Variants in R3HDM2 observed in about 807,000 individuals in gnomAD.
The protein encoded by R3HDM2 is R3H domain containing 2.
A neutral mutation model predicts 124.5 loss-of-function variants in R3HDM2; 38 were observed. The ratio of observed to expected loss-of-function variants is 0.31; its 90% CI spans 0.24 to 0.40. R3HDM2 has a LOEUF of 0.40. Among genes scored for constraint, R3HDM2 ranks in the 10% least tolerant of loss-of-function variants. The pLI, the probability that R3HDM2 is intolerant of heterozygous loss-of-function variation, is 1.00. For missense variants in R3HDM2, 869 were observed against 1,236.9 expected (o/e 0.70, Z 4.46); for synonymous variants, 391 against 448.0 (o/e 0.87, Z 1.61).
rs1191862201 is a variant in R3HDM2 at position 57,386,297 on chromosome 12, C to G, written c.-36+9452G>C. Among the ~76,000 whole-genome samples the G allele has an allele frequency of 2.0e-5, 3 of 152,130 alleles. No homozygotes were observed. The East Asian group carries it at 5.8e-4, about 29-fold the overall frequency. The stretch of plus-strand genomic sequence containing the variant: ...GGCGGGAGCCGGCTCCCTCAGCTTG[C>G]GGGGAGGTGTGGACGGAGAGGCACG... On this transcript the variant is annotated intron_variant, in intron 2 of 23. Coordinates refer to ENST00000402412, the MANE Select transcript of R3HDM2 (RefSeq NM_001394031.1).
At chr12:57,364,844 T>A (rs1358572730) in intron 2 of R3HDM2, among the ~76,000 whole-genome samples, 1 of 150,778 alleles carries the variant, frequency 6.6e-6, no homozygotes, top group African/African-American at 2.4e-5. Context: ...TTGCAGCTAT[T>A]TGGGAGGCTG....
At chr12:57,393,134 C>G (rs1341723808) in intron 2 of R3HDM2, among the ~76,000 whole-genome samples, 1 of 148,458 alleles carries the variant, frequency 6.7e-6, no homozygotes, top group African/African-American at 2.5e-5. Flanking sequence ...GAAGGAGTCT[C>G]GCTCTGTCGC....
At chr12:57,288,378 GTC>G (rs762285422) in intron 12 of R3HDM2, among the ~76,000 whole-genome samples, 19 of 150,728 alleles carry the variant, frequency 1.3e-4, no homozygotes, top group East Asian at 7.8e-4. Flanking sequence ...GTCCGTATAT[GTC>G]TCTCTCTCTC....
At chr12:57,406,228 G>A (rs1438637508) in intron 1 of R3HDM2, among the ~76,000 whole-genome samples, 1 of 151,636 alleles carries the variant, frequency 6.6e-6, no homozygotes, top group Non-Finnish European at 1.5e-5. Context: ...GGCTGAGGCA[G>A]GAGAATCGCT....
chr12:57,272,852 GC>G (rs1165139922), intron 14 of R3HDM2, among the ~76,000 whole-genome samples: 1 of 152,134 alleles, frequency 6.6e-6, no homozygotes, highest in Non-Finnish European at 1.5e-5. Context: ...GCTGTTGTGA[GC>G]AATCTGAGGA....
intron 2 of R3HDM2, among the ~76,000 whole-genome samples, chr12:57,368,298 C>CCTTCCT (rs2062895393): frequency 6.6e-6 from 1 of 152,136 alleles, no homozygotes; most frequent in Non-Finnish European, 1.5e-5. Context: ...GTCCCCTTCC[C>CCTTCCT]CTTCCTCTTA....
Position 57,254,462 on chromosome 12 carries a change from C to T in R3HDM2, c.*311G>A, listed in dbSNP as rs1258450247. The T allele has an allele frequency of 1.3e-5, 4 of 306,446 alleles. No individual in the cohort carries two copies. The highest frequency in any genetic ancestry group is 2.0e-4 in the East Asian group (2 of 10,002). 19.0% of individuals were successfully genotyped at this position (306,446 alleles called of 1,614,324 possible). ...GTTGCAGTTAGCCAAGATCGTGCTACTGCACTCCAGCTGGGGTGACAAGAG... is the reference window on the plus strand; with the variant it reads ...GTTGCAGTTAGCCAAGATCGTGCTATTGCACTCCAGCTGGGGTGACAAGAG... On this transcript the variant is annotated 3_prime_UTR_variant, in exon 24 of 24. Coordinates refer to ENST00000402412, the MANE Select transcript of R3HDM2 (RefSeq NM_001394031.1).
At chr12:57,302,205 C>T (rs547487218) in intron 4 of R3HDM2, among the ~76,000 whole-genome samples, 5 of 151,562 alleles carry the variant, frequency 3.3e-5, no homozygotes, top group Middle Eastern at 3.4e-3. Context: ...CACTTGAACA[C>T]GGAAGGCAGA....
At chr12:57,269,178 T>C (rs2043083411) in intron 16 of R3HDM2, 96 bp from the exon 17 acceptor site, 1 of 1,557,766 alleles carries the variant, frequency 6.4e-7, no homozygotes, top group Admixed American at 1.8e-5. Flanking sequence ...TATCTTTCTT[T>C]TTCTGGAGAG....
At chr12:57,350,334 A>T (rs1301454659) in intron 2 of R3HDM2, among the ~76,000 whole-genome samples, 1 of 152,176 alleles carries the variant, frequency 6.6e-6, no homozygotes, top group African/African-American at 2.4e-5. Flanking sequence ...GGATTCATGG[A>T]AGTTAAACTA....
At chr12:57,336,759 T>C (rs1006219682) in intron 2 of R3HDM2, among the ~76,000 whole-genome samples, 1 of 151,324 alleles carries the variant, frequency 6.6e-6, no homozygotes, top group Non-Finnish European at 1.5e-5. Flanking sequence ...AACAAACCCC[T>C]GTGATACATG....
chr12:57,376,295 G>C (rs951974083), intron 2 of R3HDM2, among the ~76,000 whole-genome samples: 17 of 152,214 alleles, frequency 1.1e-4, no homozygotes, highest in Non-Finnish European at 1.0e-4. Flanking sequence ...ACCCCAATCA[G>C]GGCCTTCAGT....
chr12:57,343,491 G>A (rs1001817694), intron 2 of R3HDM2, among the ~76,000 whole-genome samples: 9 of 151,682 alleles, frequency 5.9e-5, no homozygotes, highest in African/African-American at 1.9e-4. Flanking sequence ...GCCTAGCCTC[G>A]GATCTTAATT....
At chr12:57,362,710 C>T (rs1409908142) in intron 2 of R3HDM2, among the ~76,000 whole-genome samples, 1 of 152,170 alleles carries the variant, frequency 6.6e-6, no homozygotes, top group Non-Finnish European at 1.5e-5. Context: ...TTATAAACCC[C>T]ACAGAAGTTT....
In R3HDM2 at chr12:57,295,520, G is replaced by C; in HGVS notation, c.702-13C>G. 1 of 1,537,514 alleles carries C rather than the reference G, an allele frequency of 6.5e-7. No individual in the cohort carries two copies. Among genetic ancestry groups the C allele is most frequent in the Non-Finnish European group, 8.8e-7 (1 of 1,134,532 alleles). On this transcript the variant is annotated splice_polypyrimidine_tract_variant and intron_variant, in intron 9 of 23. Coordinates refer to ENST00000402412, the MANE Select transcript of R3HDM2 (RefSeq NM_001394031.1). ...CCTCTGTTCAGGGCTGAGATTTGGA[G>C]AGAAATGTGAAAGGAAAGGAGGACA...
chr12:57,426,521 G>A lies in R3HDM2; in HGVS notation c.-106+4199C>T, dbSNP rs117431881. ...AGAACTATAAATATTAACATCTTCA[G>A]GCTACTGAAAACTCAAAGTGGAACC... is the stretch of plus-strand genomic sequence containing the variant. On this transcript the variant is annotated intron_variant, in intron 1 of 23. Transcript: ENST00000402412. 2.2e-3 allele frequency among the ~76,000 whole-genome samples: 328 copies of A among 152,270 alleles called. 9 individuals carry two copies. The East Asian group carries it at 0.05, about 23-fold the overall frequency.
chr12:57,366,232 G>A (rs1446273937), intron 2 of R3HDM2, among the ~76,000 whole-genome samples: 1 of 152,064 alleles, frequency 6.6e-6, no homozygotes, highest in Non-Finnish European at 1.5e-5. Flanking sequence ...TTGGTTCACT[G>A]CAGCCTTGAA....
At chr12:57,415,150 CTTG>C (rs898790292) in intron 1 of R3HDM2, 48 of 151,978 alleles carry the variant, frequency 3.2e-4, no homozygotes, top group Admixed American at 9.8e-4. Context: ...TGGATTGTAA[CTTG>C]TTGAATTTTT....
At chr12:57,386,505 C>G (rs1405558648) in intron 2 of R3HDM2, among the ~76,000 whole-genome samples, 2 of 152,246 alleles carry the variant, frequency 1.3e-5, no homozygotes, top group African/African-American at 4.8e-5. Flanking sequence ...TGCCTCCCCT[C>G]GGGGCAGGGC....
Sources: gnomAD v4.1 joint callset for allele counts (sites outside exome capture counted in the v4.1 genomes callset) on GRCh38, gnomAD v4.1.1 for gene constraint, MANE v1.5 for transcripts, NCBI Gene and HGNC (gene_info 2026-07-23, HGNC 2026-07-21) for gene names.